The following AHCYL2 variants were observed in gnomAD, a reference collection of about 807,000 sequenced individuals.
The protein encoded by AHCYL2 is adenosylhomocysteinase like 2.
AHCYL2 carries 28 observed loss-of-function variants against 81.4 expected under a neutral mutation model. That is an observed-to-expected ratio of 0.34 (90% CI 0.25 to 0.47). The LOEUF (loss-of-function observed/expected upper bound fraction) is 0.47, where lower values mean the gene tolerates loss of function less well. AHCYL2 is among the 20% of genes least tolerant of loss of function. The probability of loss-of-function intolerance (pLI) is 1.00; values close to 1 mark genes in which losing one functional copy is unlikely to be tolerated. For missense variants in AHCYL2, 551 were observed against 785.1 expected (o/e 0.70, Z 3.56); for synonymous variants, 272 against 290.2 (o/e 0.94, Z 0.64).
intron 1 of AHCYL2, among the ~76,000 whole-genome samples, chr7:129,239,946 G>A (rs1794787362): frequency 1.3e-5 from 2 of 151,934 alleles, no homozygotes; most frequent in South Asian, 2.1e-4. Flanking sequence ...ACGGCTGGCC[G>A]GACGCGGTGG....
chr7:129,263,797 A>G (rs190327632), intron 1 of AHCYL2, among the ~76,000 whole-genome samples: 16 of 152,338 alleles, frequency 1.1e-4, no homozygotes, highest in African/African-American at 3.6e-4. Flanking sequence ...TGCCTTGTGT[A>G]GAAAGAATTT....
intron 12 of AHCYL2, among the ~76,000 whole-genome samples, chr7:129,421,983 T>C (rs1234267233): frequency 1.3e-5 from 2 of 152,252 alleles, no homozygotes; most frequent in Non-Finnish European, 2.9e-5. Context: ...GCAGAACTTC[T>C]TAATTTTATC....
At position 129,367,954 on chromosome 7, in the gene AHCYL2, C is replaced by G. The variant is rs932924322; in HGVS notation, c.364-11684C>G. 3.9e-5 allele frequency among the ~76,000 whole-genome samples: 6 copies of G among 152,160 alleles called. No individual in the cohort carries two copies. The South Asian group carries it at 1.0e-3, about 26-fold the overall frequency. On this transcript the variant is annotated intron_variant, in intron 1 of 16. Transcript: ENST00000325006. The stretch of plus-strand genomic sequence containing the variant: ...GCATAGCTGTTTAAACTTGAAAGCC[C>G]TAGGAGCTCTTGATTTCAAGGAAAC...
chr7:129,230,079 C>CTTTTTTTT (rs35056717), intron 1 of AHCYL2, among the ~76,000 whole-genome samples: 6 of 109,428 alleles, frequency 5.5e-5, no homozygotes, highest in Non-Finnish European at 1.1e-4. Flanking sequence ...TTATTTAATT[C>CTTTTTTTT]TTTTTTTTTT....
intron 1 of AHCYL2, among the ~76,000 whole-genome samples, chr7:129,266,442 G>A (rs779950593): frequency 3.9e-5 from 6 of 152,074 alleles, no homozygotes; most frequent in Non-Finnish European, 8.8e-5. Flanking sequence ...CAGGAGAATG[G>A]CTTGAACCCA....
At chr7:129,422,662 G>C (rs577224690) in intron 12 of AHCYL2, among the ~76,000 whole-genome samples, 178 bp from the exon 13 acceptor site, 125 of 152,246 alleles carry the variant, frequency 8.2e-4, no homozygotes, top group Non-Finnish European at 1.4e-3. Context: ...CCCTGGCTGG[G>C]CCTCAGATTA....
chr7:129,373,820 G>A (rs1054449096), intron 1 of AHCYL2, among the ~76,000 whole-genome samples: 1 of 152,198 alleles, frequency 6.6e-6, no homozygotes, highest in South Asian at 2.1e-4. Context: ...ATTCTTGTTA[G>A]GAGGAGCAAA....
intron 2 of AHCYL2, among the ~76,000 whole-genome samples, chr7:129,380,101 A>T (rs901541112): frequency 6.6e-6 from 1 of 152,144 alleles, no homozygotes; most frequent in Non-Finnish European, 1.5e-5. Flanking sequence ...AAAATAAAAA[A>T]GAAATTCTTC....
intron 1 of AHCYL2, among the ~76,000 whole-genome samples, chr7:129,295,072 T>C (rs556502981): frequency 1.3e-5 from 2 of 152,316 alleles, no homozygotes; most frequent in East Asian, 3.9e-4. Flanking sequence ...CCATTGGAAC[T>C]CAAAGAAATA....
chr7:129,322,254 C>T (rs1352217286), intron 1 of AHCYL2, among the ~76,000 whole-genome samples: 1 of 152,020 alleles, frequency 6.6e-6, no homozygotes, highest in Non-Finnish European at 1.5e-5. Context: ...ATTCTCCTGT[C>T]TCAGCCTCCT....
chr7:129,373,362 G>A (rs1400347616), intron 1 of AHCYL2, among the ~76,000 whole-genome samples: 3 of 152,004 alleles, frequency 2.0e-5, no homozygotes, highest in African/African-American at 2.4e-5. Context: ...TGGCTAACAC[G>A]AAGTAAGTGA....
chr7:129,426,505 G>A lies in AHCYL2; in HGVS notation c.1771G>A (p.Glu591Lys), dbSNP rs1454283824. The A allele has an allele frequency of 6.2e-7, 1 of 1,613,952 alleles. No individual in the cohort carries two copies. The highest frequency in any genetic ancestry group is 8.5e-7 in the Non-Finnish European group (1 of 1,179,984). The change falls in exon 16 of 17, where the codon GAA becomes AAA. Residue 591 changes from glutamate (E) to lysine (K), a missense_variant. Physicochemically the swap from Glu to Lys is moderately conservative, Grantham distance 56 (BLOSUM62 1). Coordinates refer to ENST00000325006, the MANE Select transcript of AHCYL2 (RefSeq NM_015328.4). The surrounding 1 kb of genome is among the most constrained non-coding windows in gnomAD (Gnocchi z 4.3). ...FDAHLTELTD[E>K]QAKYLGLNKN... The stretch of plus-strand genomic sequence containing the variant: ...TGCCCACTTGACAGAGCTGACAGAT[G>A]AACAGGCCAAGTATCTGGGACTCAA...
intron 12 of AHCYL2, among the ~76,000 whole-genome samples, chr7:129,418,355 A>C (rs747520112): frequency 6.6e-6 from 1 of 151,722 alleles, no homozygotes; most frequent in Non-Finnish European, 1.5e-5. Flanking sequence ...GCTGGAGTGC[A>C]GTGGTGCAAT....
rs1795371933 is a variant in AHCYL2 at position 129,389,619 on chromosome 7, A to T, written c.620-15A>T. On this transcript the variant is annotated splice_polypyrimidine_tract_variant and intron_variant, in intron 3 of 16. Transcript: ENST00000325006. ...CTTCTTCTTTAATATTGCTGTATTTATTGGGCCTTTTCAGAAATGCCTGCA... is the reference window on the plus strand; with the variant it reads ...CTTCTTCTTTAATATTGCTGTATTTTTTGGGCCTTTTCAGAAATGCCTGCA... 1.3e-6 allele frequency: 2 copies of T among 1,591,434 alleles called. No homozygotes were observed. The highest frequency in any genetic ancestry group is 1.7e-6 in the Non-Finnish European group (2 of 1,168,420).
intron 1 of AHCYL2, among the ~76,000 whole-genome samples, chr7:129,320,034 G>A (rs1797960084): frequency 6.6e-6 from 1 of 152,090 alleles, no homozygotes; most frequent in South Asian, 2.1e-4. Context: ...CATGACAATA[G>A]TATGTGAGAA....
At chr7:129,273,029 T>C (rs1796072926) in intron 1 of AHCYL2, among the ~76,000 whole-genome samples, 1 of 151,922 alleles carries the variant, frequency 6.6e-6, no homozygotes, top group African/African-American at 2.4e-5. Context: ...ACCTCCTGAG[T>C]AGCTGGGATT....
At chr7:129,299,741 G>C (rs2718093) in intron 1 of AHCYL2, among the ~76,000 whole-genome samples, 2 of 151,928 alleles carry the variant, frequency 1.3e-5, no homozygotes, top group Non-Finnish European at 1.5e-5. Flanking sequence ...ACTTGTCAGA[G>C]GGGTGTTGTA....
intron 1 of AHCYL2, among the ~76,000 whole-genome samples, chr7:129,349,408 A>G (rs1793471405): frequency 6.7e-6 from 1 of 149,858 alleles, no homozygotes. Flanking sequence ...CTGAGGCGAG[A>G]GAATCACCTG....
intron 1 of AHCYL2, among the ~76,000 whole-genome samples, chr7:129,240,144 G>A (rs191406925): frequency 1.3e-5 from 2 of 152,138 alleles, no homozygotes; most frequent in Non-Finnish European, 2.9e-5. Flanking sequence ...GAACCCGGGA[G>A]GTGGAGGTTG....
Sources: allele counts gnomAD v4.1 joint callset (sites outside exome capture counted in the v4.1 genomes callset), GRCh38; gene constraint gnomAD v4.1.1; non-coding constraint Gnocchi (gnomAD v3.1); transcripts MANE v1.5; gene names NCBI Gene and HGNC (gene_info 2026-07-23, HGNC 2026-07-21).